The following CDH12 variants were observed in gnomAD, a reference collection of about 807,000 sequenced individuals.
The protein encoded by CDH12 is cadherin 12, also known as cadherin-12.
CDH12 carries 41 observed loss-of-function variants against 74.1 expected under a neutral mutation model. The observed-to-expected ratio is 0.55, with a 90% CI of 0.43 to 0.72. The LOEUF is 0.72. Among genes scored for constraint, CDH12 ranks in the 30% least tolerant of loss-of-function variants. CDH12 has a pLI of 0.00. For synonymous variants in CDH12, 399 were observed against 355.0 expected (o/e 1.12, Z -1.39); for missense variants, 945 against 977.2 (o/e 0.97, Z 0.44).
intron 6 of CDH12, among the ~76,000 whole-genome samples, chr5:21,923,524 T>C (rs1224493749): frequency 2.6e-5 from 4 of 152,120 alleles, no homozygotes; most frequent in Non-Finnish European, 2.9e-5. Flanking sequence ...AACTAAATAG[T>C]ATAATGTTCC....
chr5:22,730,427 G>T (rs1383609118), intron 1 of CDH12, among the ~76,000 whole-genome samples: 1 of 151,730 alleles, frequency 6.6e-6, no homozygotes, highest in African/African-American at 2.4e-5. Context: ...TCAGCAGTAG[G>T]CAGTAGACAA....
chr5:22,639,662 T>C (rs1739039939), intron 1 of CDH12, among the ~76,000 whole-genome samples: 1 of 152,144 alleles, frequency 6.6e-6, no homozygotes, highest in African/African-American at 2.4e-5. Flanking sequence ...AAGGCTTAAG[T>C]CCTTGTAAAG....
At chr5:22,618,268 G>A (rs1561531683) in intron 1 of CDH12, among the ~76,000 whole-genome samples, 1 of 152,102 alleles carries the variant, frequency 6.6e-6, no homozygotes, top group Non-Finnish European at 1.5e-5. Context: ...ATGACCACAA[G>A]TTGAGAATTG....
chr5:21,846,081 G>A (rs1211180126), intron 7 of CDH12, among the ~76,000 whole-genome samples: 1 of 152,122 alleles, frequency 6.6e-6, no homozygotes, highest in Non-Finnish European at 1.5e-5. Flanking sequence ...CGTGGCACTA[G>A]CCAGGTAGAG....
intron 6 of CDH12, among the ~76,000 whole-genome samples, chr5:21,901,120 C>T (rs1753364509): frequency 6.6e-6 from 1 of 152,096 alleles, no homozygotes; most frequent in Non-Finnish European, 1.5e-5. Context: ...TGAAGTGATA[C>T]ATTTTATAGT....
intron 2 of CDH12, among the ~76,000 whole-genome samples, chr5:22,429,726 A>G (rs935429541): frequency 2.0e-5 from 3 of 152,200 alleles, no homozygotes; most frequent in African/African-American, 7.2e-5. Flanking sequence ...AGTGATGTTT[A>G]ATGCTAAGTT....
chr5:22,056,871 G>A (rs1445150226), intron 5 of CDH12, among the ~76,000 whole-genome samples: 1 of 152,090 alleles, frequency 6.6e-6, no homozygotes, highest in South Asian at 2.1e-4. Flanking sequence ...ATTCCAAGCC[G>A]GAAAAGAGCC....
At chr5:22,644,350 C>T (rs1739322911) in intron 1 of CDH12, among the ~76,000 whole-genome samples, 1 of 151,970 alleles carries the variant, frequency 6.6e-6, no homozygotes, top group African/African-American at 2.4e-5. Context: ...GAATGCAAAA[C>T]AGCCTTATTG....
chr5:22,206,785 A>G (rs534544587), intron 4 of CDH12, among the ~76,000 whole-genome samples: 1 of 150,990 alleles, frequency 6.6e-6, no homozygotes, highest in Non-Finnish European at 1.5e-5. Flanking sequence ...GTAGTTGATA[A>G]CTTTGTCAAA....
chr5:21,856,684 G>A (rs998648143), intron 6 of CDH12, among the ~76,000 whole-genome samples: 1 of 151,568 alleles, frequency 6.6e-6, no homozygotes, highest in Non-Finnish European at 1.5e-5. Context: ...GTATTAAATT[G>A]TTTATATTAA....
chr5:22,333,684 C>T lies in CDH12; in HGVS notation c.-333+71573G>A, dbSNP rs187164974. On this transcript the variant is annotated intron_variant, in intron 3 of 14. Transcript: ENST00000382254. ...AACTAGAAAAAGACATTCAAGAAAA[C>T]AAAACTAAAGGTCAGTATTTTTAAC... Among the ~76,000 whole-genome samples, 3 of 152,098 alleles carry T rather than the reference C, an allele frequency of 2.0e-5. No homozygotes were observed. The East Asian group carries it at 5.8e-4, about 29-fold the overall frequency.
chr5:22,565,154 T>C (rs1482508810), intron 1 of CDH12, among the ~76,000 whole-genome samples: 1 of 152,142 alleles, frequency 6.6e-6, no homozygotes, highest in African/African-American at 2.4e-5. Flanking sequence ...CAAGATGGTC[T>C]AGATTTCTTA....
At position 22,151,457 on chromosome 5, in the gene CDH12, T is replaced by A. The variant is rs569489218; in HGVS notation, c.-187+61041A>T. 1.3e-4 allele frequency among the ~76,000 whole-genome samples: 20 copies of A among 152,316 alleles called. 1 individual carries two copies. The South Asian group carries it at 4.1e-3, about 32-fold the overall frequency. On this transcript the variant is annotated intron_variant, in intron 4 of 14. Coordinates refer to ENST00000382254, the MANE Select transcript of CDH12 (RefSeq NM_004061.5). ...GATAAGCCATTCTGTGACTTGTAGA[T>A]AAATATCTTATCAGTTTTTGTACCC...
chr5:22,048,677 A>T (rs1253727427), intron 5 of CDH12, among the ~76,000 whole-genome samples: 1 of 152,154 alleles, frequency 6.6e-6, no homozygotes, highest in Non-Finnish European at 1.5e-5. Context: ...TTGTGAGAGG[A>T]GAATGAGAAT....
chr5:22,087,525 C>T (rs1580228139), intron 4 of CDH12, among the ~76,000 whole-genome samples: 1 of 152,178 alleles, frequency 6.6e-6, no homozygotes, highest in Non-Finnish European at 1.5e-5. Context: ...CCTGTAGTCC[C>T]AGCTGCTTGG....
At chr5:22,717,341 G>A (rs1360446396) in intron 1 of CDH12, among the ~76,000 whole-genome samples, 3 of 152,054 alleles carry the variant, frequency 2.0e-5, no homozygotes, top group African/African-American at 7.2e-5. Context: ...GCAGTATTTA[G>A]CACAGTAAAA....
At chr5:22,815,491 C>A (rs918733112) in intron 1 of CDH12, among the ~76,000 whole-genome samples, 1 of 151,882 alleles carries the variant, frequency 6.6e-6, no homozygotes, top group Admixed American at 6.6e-5. Context: ...ATACATGGAC[C>A]GGGCGCAGTG....
At chr5:21,910,201 T>A (rs1175848494) in intron 6 of CDH12, among the ~76,000 whole-genome samples, 1 of 152,176 alleles carries the variant, frequency 6.6e-6, no homozygotes. Context: ...TCAGAAATCT[T>A]CTGGCTACAA....
At chr5:22,736,763 T>G (rs888490511) in intron 1 of CDH12, among the ~76,000 whole-genome samples, 1 of 151,766 alleles carries the variant, frequency 6.6e-6, no homozygotes, top group Admixed American at 6.6e-5. Flanking sequence ...AAGTCATAGT[T>G]GTCATAGCAA....
Sources: gnomAD v4.1 joint callset for allele counts (sites outside exome capture counted in the v4.1 genomes callset) on GRCh38, gnomAD v4.1.1 for gene constraint, MANE v1.5 for transcripts, NCBI Gene and HGNC (gene_info 2026-07-23, HGNC 2026-07-21) for gene names.